The following CACNA1E variants were observed in gnomAD, a reference collection of about 807,000 sequenced individuals.
CACNA1E encodes the protein voltage-dependent R-type calcium channel subunit alpha-1E.
A neutral mutation model predicts 259.2 loss-of-function variants in CACNA1E; 40 were observed. That is an observed-to-expected ratio of 0.15 (90% confidence interval 0.12 to 0.20). The LOEUF is 0.20. Among genes scored for constraint, CACNA1E ranks in the 10% least tolerant of loss-of-function variants. The pLI, the probability that CACNA1E is intolerant of heterozygous loss-of-function variation, is 1.00. For missense variants in CACNA1E, 1,874 were observed against 3,040.1 expected (o/e 0.62, Z 9.02); for synonymous variants, 1,104 against 1,138.5 (o/e 0.97, Z 0.61).
Position 181,772,226 on chromosome 1 carries a change from T to C in CACNA1E, c.5134T>C (p.Phe1712Leu). 6.2e-7 allele frequency: 1 copy of C among 1,613,166 alleles called. No homozygotes were observed. The highest frequency in any genetic ancestry group is 8.5e-7 in the Non-Finnish European group (1 of 1,179,386). ...YFVSFIFFCS[F>L]LMLNLFVAVI... ...TGTCTCCTTCATCTTCTTCTGCTCC[T>C]TCTTGGTGAGCAACATTGTGCTTTT... The change falls in exon 37 of 48, where the codon TTC becomes CTC. Residue 1712 changes from phenylalanine to leucine, a missense_variant. By Grantham distance (22) the Phe-to-Leu change is conservative. Transcript: ENST00000367573.
chr1:181,644,816 T>G (rs946371696), intron 6 of CACNA1E, among the ~76,000 whole-genome samples: 2 of 152,142 alleles, frequency 1.3e-5, no homozygotes, highest in Non-Finnish European at 2.9e-5. Context: ...ACAGCAATTG[T>G]CTTACCCAGT....
At chr1:181,434,249 G>T (rs1659922106) in intron 2 of CACNA1E, among the ~76,000 whole-genome samples, 1 of 152,180 alleles carries the variant, frequency 6.6e-6, no homozygotes, top group Non-Finnish European at 1.5e-5. Context: ...GCTTATCATA[G>T]TTCCTGGCAG....
intron 6 of CACNA1E, among the ~76,000 whole-genome samples, chr1:181,590,815 C>T (rs114036671): frequency 0.01 from 1,594 of 152,104 alleles, 27 homozygotes; most frequent in African/African-American, 0.036. Context: ...GCCTTCACTC[C>T]GAACCCAGGA....
intron 7 of CACNA1E, among the ~76,000 whole-genome samples, chr1:181,696,278 A>G (rs1416470606): frequency 6.6e-6 from 1 of 151,998 alleles, no homozygotes; most frequent in Non-Finnish European, 1.5e-5. Context: ...GAATGCATTA[A>G]TTATCATGCT....
In CACNA1E at chr1:181,737,582, C is replaced by T. The variant is rs1383476792; in HGVS notation, c.3480C>T (p.Leu1160=). The T allele has an allele frequency of 2.5e-6, 4 of 1,613,994 alleles. No individual in the cohort carries two copies. Among genetic ancestry groups the T allele is most frequent in the Admixed American group, 1.7e-5 (1 of 60,030 alleles). ...VNLRYFEMCI[L]LVIAASSIAL... ...TGCGCTACTTTGAGATGTGCATCCT[C>T]CTGGTGATTGCAGCCAGCAGCATCG... Residue 1160 remains leucine (L), a synonymous_variant, in exon 23 of 48, where the codon CTC becomes CTT. Coordinates refer to ENST00000367573, the MANE Select transcript of CACNA1E (RefSeq NM_001205293.3).
At chr1:181,764,639 G>A (rs376196914) in intron 34 of CACNA1E, among the ~76,000 whole-genome samples, 34 of 152,292 alleles carry the variant, frequency 2.2e-4, no homozygotes, top group African/African-American at 7.9e-4. Flanking sequence ...AGTGTTTGGC[G>A]TAATGACTCC....
chr1:181,589,996 T>G (rs541192859), intron 6 of CACNA1E, among the ~76,000 whole-genome samples: 1 of 152,202 alleles, frequency 6.6e-6, no homozygotes, highest in Non-Finnish European at 1.5e-5. Context: ...GTACTAACTT[T>G]CCCTTAACCA....
chr1:181,474,131 GATTA>G (rs1284628634), intron 2 of CACNA1E, among the ~76,000 whole-genome samples: 2 of 106,224 alleles, frequency 1.9e-5, no homozygotes, highest in Non-Finnish European at 3.7e-5. Context: ...TGAAAATAGA[GATTA>G]TTTAAACAAA....
At chr1:181,634,195 C>T (rs972405831) in intron 6 of CACNA1E, among the ~76,000 whole-genome samples, 2 of 152,264 alleles carry the variant, frequency 1.3e-5, no homozygotes, top group African/African-American at 4.8e-5. Context: ...TCACTTTGCT[C>T]TTCTTTAAAA....
chr1:181,747,219 G>A (rs1217655644), intron 25 of CACNA1E, among the ~76,000 whole-genome samples: 4 of 152,216 alleles, frequency 2.6e-5, no homozygotes, highest in African/African-American at 4.8e-5. Flanking sequence ...GGCACTTAAA[G>A]GACAGAAGGG....
At chr1:181,598,237 T>C (rs1450827798) in intron 6 of CACNA1E, among the ~76,000 whole-genome samples, 2 of 152,160 alleles carry the variant, frequency 1.3e-5, no homozygotes, top group South Asian at 2.1e-4. Context: ...GTGTTAGGCA[T>C]TGGATGGTGG....
rs373091982 is a variant in CACNA1E at position 181,772,142 on chromosome 1, G to T, written c.5050G>T (p.Ala1684Ser). Residue 1684 changes from alanine to serine, a missense_variant, in exon 37 of 48, where the codon GCA (alanine) becomes TCA (serine). Physicochemically the swap from Ala to Ser is moderately conservative, Grantham distance 99. This residue lies in a region of CACNA1E where 147 missense variants were observed against 337.1 expected (regional missense o/e 0.44). Transcript: ENST00000367573. ...GEKGCEPDTT[A>S]PSGQNENERC... ...GAAGGGCTGTGAGCCTGACACCACCGCACCATCAGGGCAGAACGAGAACGA... is the reference window on the plus strand; with the variant it reads ...GAAGGGCTGTGAGCCTGACACCACCTCACCATCAGGGCAGAACGAGAACGA... The T allele has an allele frequency of 1.9e-6, 3 of 1,613,922 alleles. No homozygotes were observed. The highest frequency in any genetic ancestry group is 2.5e-6 in the Non-Finnish European group (3 of 1,179,850).
intron 36 of CACNA1E, 26 bp downstream of exon 36, chr1:181,771,410 C>T: frequency 7.9e-7 from 1 of 1,261,650 alleles, no homozygotes; most frequent in Non-Finnish European, 1.2e-6. Context: ...ACTGTCATAG[C>T]TGGGGTTCTC....
chr1:181,549,159 C>T (rs774647750), intron 3 of CACNA1E, among the ~76,000 whole-genome samples: 7 of 152,148 alleles, frequency 4.6e-5, no homozygotes, highest in Non-Finnish European at 8.8e-5. Flanking sequence ...GAAGGAGTGG[C>T]GTCAGGATGG....
At chr1:181,471,708 T>C (rs541013953) in intron 2 of CACNA1E, among the ~76,000 whole-genome samples, 1 of 152,360 alleles carries the variant, frequency 6.6e-6, no homozygotes, top group African/African-American at 2.4e-5. Context: ...CCGTGAATGC[T>C]TTGATTATAG....
chr1:181,373,079 G>A (rs187829881), intron 1 of CACNA1E, among the ~76,000 whole-genome samples: 199 of 152,216 alleles, frequency 1.3e-3, no homozygotes, highest in Admixed American at 2.5e-3. Context: ...GTTCATCAGG[G>A]ATATTGGCCT....
chr1:181,598,990 T>C (rs1446234561), intron 6 of CACNA1E, among the ~76,000 whole-genome samples: 2 of 152,108 alleles, frequency 1.3e-5, no homozygotes, highest in Non-Finnish European at 2.9e-5. Context: ...GTGCAGGATG[T>C]GCATGCAGGT....
At chr1:181,743,750 A>G (rs3753747) in intron 25 of CACNA1E, among the ~76,000 whole-genome samples, 18,108 of 152,222 alleles carry the variant, frequency 0.12, 1,181 homozygotes, top group East Asian at 0.3. Context: ...CCACTGCTCT[A>G]CAGCACGTTA....
At chr1:181,323,466 C>T (rs576236677) in intron 1 of CACNA1E, among the ~76,000 whole-genome samples, 8 of 152,306 alleles carry the variant, frequency 5.3e-5, no homozygotes, top group African/African-American at 1.9e-4. Context: ...AGCCAATGGC[C>T]ACTTGAGGCC....
Sources: allele counts gnomAD v4.1 joint callset (sites outside exome capture counted in the v4.1 genomes callset), GRCh38; gene constraint gnomAD v4.1.1; regional missense constraint gnomAD v4.1.1; transcripts MANE v1.5; gene names NCBI Gene and HGNC (gene_info 2026-07-23, HGNC 2026-07-21).